The following ADGRL4 variants were observed in gnomAD, a reference collection of about 807,000 sequenced individuals.
ADGRL4 encodes the protein adhesion G protein-coupled receptor L4, also known as EGF, latrophilin and seven transmembrane domain containing 1.
ADGRL4 carries 90 observed loss-of-function variants against 74.8 expected under a neutral mutation model. The ratio of observed to expected loss-of-function variants is 1.20; its 90% CI spans 1.02 to 1.43. The LOEUF (loss-of-function observed/expected upper bound fraction) is 1.43. Among genes scored for constraint, ADGRL4 ranks in the 40% most tolerant of loss-of-function variants. ADGRL4 has a pLI of 0.00. For synonymous variants in ADGRL4, 311 were observed against 279.2 expected (o/e 1.11, Z -1.14); for missense variants, 881 against 814.3 (o/e 1.08, Z -1.00).
At chr1:78,917,383 T>A (rs1648897350) in intron 12 of ADGRL4, among the ~76,000 whole-genome samples, 4 of 151,104 alleles carry the variant, frequency 2.6e-5, no homozygotes, top group Admixed American at 2.6e-4. Context: ...TACATGATTT[T>A]TTTTATATTT....
Position 78,956,709 on chromosome 1 carries a change from T to G in ADGRL4, c.173-10283A>C, listed in dbSNP as rs1018298842. 4.6e-5 allele frequency among the ~76,000 whole-genome samples: 7 copies of G among 152,156 alleles called. No homozygotes were observed. In the East Asian group the frequency reaches 1.3e-3, roughly 29 times the overall value. ...GAATTACCTATCAATATCATAAAAT[T>G]AAAATTACCTAATGTTTGAGAAAAC... On this transcript the variant is annotated intron_variant, in intron 2 of 14. Coordinates refer to ENST00000370742, the MANE Select transcript of ADGRL4 (RefSeq NM_022159.4).
At chr1:78,952,802 A>G (rs1649756522) in intron 2 of ADGRL4, among the ~76,000 whole-genome samples, 1 of 152,170 alleles carries the variant, frequency 6.6e-6, no homozygotes, top group Non-Finnish European at 1.5e-5. Flanking sequence ...CTGCATTGGG[A>G]ATGAATTTTT....
intron 2 of ADGRL4, among the ~76,000 whole-genome samples, chr1:78,947,827 A>G (rs1381197924): frequency 6.6e-6 from 1 of 152,182 alleles, no homozygotes; most frequent in Non-Finnish European, 1.5e-5. Flanking sequence ...GGTTTGAAAA[A>G]TGTCTTGAAT....
rs768292043 is a variant in ADGRL4, at chr1:79,006,658, C to T, written c.-4G>A. 1 of 1,502,744 alleles carries T rather than the reference C, an allele frequency of 6.7e-7. No individual in the cohort carries two copies. Among genetic ancestry groups the T allele is most frequent in the South Asian group, 1.3e-5 (1 of 78,486 alleles). The allele number at this position is 1,502,744 out of a possible 1,614,324, so 93.1% of individuals were successfully genotyped here. A position where few individuals can be genotyped will look rare whatever the true frequency, so the allele number is the denominator to read the frequency against. ...CTAGGAGCGGGAGGCGTTTCATTGGCGGTGGCCGCAGTGGTGGCGGTGGCG... is the reference window on the plus strand; with the variant it reads ...CTAGGAGCGGGAGGCGTTTCATTGGTGGTGGCCGCAGTGGTGGCGGTGGCG... On this transcript the variant is annotated 5_prime_UTR_variant, in exon 1 of 15. Transcript: ENST00000370742.
chr1:78,929,654 T>C (rs1020486612), intron 7 of ADGRL4, among the ~76,000 whole-genome samples: 2 of 151,666 alleles, frequency 1.3e-5, no homozygotes, highest in African/African-American at 4.9e-5. Context: ...GCAGACATCA[T>C]TGAGAGGGTT....
chr1:78,931,787 C>A (rs77967631), intron 7 of ADGRL4, among the ~76,000 whole-genome samples: 1 of 151,252 alleles, frequency 6.6e-6, no homozygotes, highest in Non-Finnish European at 1.5e-5. Flanking sequence ...CAATCTTACT[C>A]TCCAACAAAA....
At chr1:79,000,435 T>C (rs1650817400) in intron 2 of ADGRL4, among the ~76,000 whole-genome samples, 1 of 152,202 alleles carries the variant, frequency 6.6e-6, no homozygotes, top group South Asian at 2.1e-4. Context: ...GTTTTAAAAC[T>C]GTGGAACTAG....
In ADGRL4 at chr1:78,902,161, C is replaced by A. The variant is rs569924077; in HGVS notation, c.1750-8972G>T. Among the ~76,000 whole-genome samples the A allele has an allele frequency of 1.2e-4, 19 of 152,010 alleles. No individual in the cohort carries two copies. The South Asian group carries it at 3.1e-3, about 25-fold the overall frequency. On this transcript the variant is annotated intron_variant, in intron 12 of 14. Transcript: ENST00000370742. ...TACCAGGCATTGACTGCAGAGGAACCCAATTAGATGAATAATCGCTCTGAG... is the reference window on the plus strand; with the variant it reads ...TACCAGGCATTGACTGCAGAGGAACACAATTAGATGAATAATCGCTCTGAG...
chr1:78,975,902 A>G (rs1481971283), intron 2 of ADGRL4, among the ~76,000 whole-genome samples: 1 of 151,968 alleles, frequency 6.6e-6, no homozygotes, highest in Non-Finnish European at 1.5e-5. Context: ...AGCAGCAACA[A>G]AAACAATCAC....
At chr1:79,006,359 A>C (rs1650962173) in intron 1 of ADGRL4, among the ~76,000 whole-genome samples, 1 of 152,160 alleles carries the variant, frequency 6.6e-6, no homozygotes, top group Non-Finnish European at 1.5e-5. Context: ...GGATTTCCCA[A>C]ATTTCTTCGG....
At chr1:78,967,791 G>A (rs1650085972) in intron 2 of ADGRL4, among the ~76,000 whole-genome samples, 1 of 151,530 alleles carries the variant, frequency 6.6e-6, no homozygotes, top group Non-Finnish European at 1.5e-5. Flanking sequence ...GTTATAAAAG[G>A]TTTTTGCTAC....
At chr1:78,954,320 G>C (rs1324837336) in intron 2 of ADGRL4, among the ~76,000 whole-genome samples, 1 of 151,944 alleles carries the variant, frequency 6.6e-6, no homozygotes, top group Non-Finnish European at 1.5e-5. Flanking sequence ...TTTATTATAA[G>C]TATCTGGAAT....
intron 2 of ADGRL4, among the ~76,000 whole-genome samples, chr1:78,989,133 G>A (rs746524411): frequency 1.3e-4 from 19 of 151,504 alleles, no homozygotes; most frequent in Non-Finnish European, 1.8e-4. Context: ...TTATTTCCAA[G>A]AAATGAAAAC....
chr1:78,948,998 T>A (rs1033281478), intron 2 of ADGRL4, among the ~76,000 whole-genome samples: 1 of 152,174 alleles, frequency 6.6e-6, no homozygotes, highest in African/African-American at 2.4e-5. Flanking sequence ...TTTTCATTTT[T>A]ATCTTTAAAT....
At chr1:78,962,730 T>C (rs762265109) in intron 2 of ADGRL4, among the ~76,000 whole-genome samples, 21 of 152,188 alleles carry the variant, frequency 1.4e-4, no homozygotes, top group Non-Finnish European at 2.9e-4. Flanking sequence ...AATACAGAAT[T>C]TAACTTCAGT....
chr1:78,979,757 G>C (rs1275696866), intron 2 of ADGRL4, among the ~76,000 whole-genome samples: 1 of 151,950 alleles, frequency 6.6e-6, no homozygotes, highest in African/African-American at 2.4e-5. Flanking sequence ...CAGTGACTTG[G>C]ATGGAGCAGG....
At chr1:78,982,677 T>C (rs1392230644) in intron 2 of ADGRL4, among the ~76,000 whole-genome samples, 2 of 151,766 alleles carry the variant, frequency 1.3e-5, no homozygotes, top group Non-Finnish European at 1.5e-5. Flanking sequence ...AGATAAAATA[T>C]GACAAAGAAA....
intron 2 of ADGRL4, 80 bp downstream of exon 2, chr1:79,004,990 G>T: frequency 7.4e-7 from 1 of 1,351,632 alleles, no homozygotes. Flanking sequence ...AAACAAGTTA[G>T]TTTCTGGAGG....
chr1:78,950,414 A>T (rs1649699255), intron 2 of ADGRL4, among the ~76,000 whole-genome samples: 1 of 152,102 alleles, frequency 6.6e-6, no homozygotes, highest in South Asian at 2.1e-4. Flanking sequence ...TTGGAATTAT[A>T]TCCAGTGGGT....
Sources: allele counts gnomAD v4.1 joint callset (sites outside exome capture counted in the v4.1 genomes callset), GRCh38; gene constraint gnomAD v4.1.1; transcripts MANE v1.5; gene names NCBI Gene and HGNC (gene_info 2026-07-23, HGNC 2026-07-21).